USP6NL: variants seen among roughly 807,000 people sequenced by gnomAD.
The protein encoded by USP6NL is USP6 N-terminal-like protein.
USP6NL carries 26 observed loss-of-function variants against 61.9 expected under a neutral mutation model. That is an observed-to-expected ratio of 0.42 (90% CI 0.31 to 0.58). The LOEUF (loss-of-function observed/expected upper bound fraction) is 0.58, where lower values mean the gene tolerates loss of function less well. Ranked by LOEUF, USP6NL falls within the 20% of genes least tolerant of loss-of-function variation. The pLI, the probability that USP6NL is intolerant of heterozygous loss-of-function variation, is 0.16. For synonymous variants in USP6NL, 432 were observed against 390.1 expected, an observed-to-expected ratio of 1.11 and a Z score of -1.27; for missense variants, 1,114 against 1,034.3, an observed-to-expected ratio of 1.08 and a Z score of -1.06.
chr10:11,555,333 T>C (rs1221905961), intron 2 of USP6NL, among the ~76,000 whole-genome samples: 1 of 143,866 alleles, frequency 7.0e-6, no homozygotes, highest in Non-Finnish European at 1.5e-5. Context: ...AAGAATAGAC[T>C]GAACACGGGA....
In USP6NL at chr10:11,597,596, G is replaced by A. The variant is rs1300453146; in HGVS notation, c.4+35C>T. The A allele has an allele frequency of 6.5e-7, 1 of 1,548,956 alleles. No individual in the cohort carries two copies. Among genetic ancestry groups the A allele is most frequent in the African/African-American group, 1.4e-5 (1 of 72,984 alleles). Reference sequence around the variant, plus strand: ...TAAGCACAATACAGCAAACGCTCCTGAGATGGCTGGAAGGAAAGGAAGCAG... The same window carrying A: ...TAAGCACAATACAGCAAACGCTCCTAAGATGGCTGGAAGGAAAGGAAGCAG... On this transcript the variant is annotated intron_variant, in intron 2 of 14. Transcript: ENST00000609104. The surrounding 1 kb of genome is among the most constrained non-coding windows in gnomAD (Gnocchi z 4.6).
chr10:11,503,835 A>C (rs1274296552), intron 6 of USP6NL, among the ~76,000 whole-genome samples: 1 of 152,176 alleles, frequency 6.6e-6, no homozygotes, highest in African/African-American at 2.4e-5. Context: ...AATCACAAAG[A>C]GGTTAAATAA....
chr10:11,570,884 C>G (rs1231611582), intron 2 of USP6NL, among the ~76,000 whole-genome samples: 1 of 152,096 alleles, frequency 6.6e-6, no homozygotes, highest in Non-Finnish European at 1.5e-5. Context: ...TATCACTCGC[C>G]CCATCCTTTT....
At chr10:11,502,979 CAT>C (rs1280174198) in intron 6 of USP6NL, among the ~76,000 whole-genome samples, 1 of 152,136 alleles carries the variant, frequency 6.6e-6, no homozygotes, top group African/African-American at 2.4e-5. Flanking sequence ...GCTCGACAAG[CAT>C]GTGTGGTTAA....
At position 11,562,922 on chromosome 10, in the gene USP6NL, C is replaced by A. The variant is rs1281464516; in HGVS notation, c.4+34709G>T. ...ATCACATTCCTGGGTATCTATCCCA[C>A]AGAAATAAAAATTTATATTTATGTC... On this transcript the variant is annotated intron_variant, in intron 2 of 14. Coordinates refer to ENST00000609104, the MANE Select transcript of USP6NL (RefSeq NM_014688.5). This position sits in a 1 kb window ranked among gnomAD's most constrained non-coding sequence, Gnocchi z 4.8. 1 of 318,358 alleles carries A rather than the reference C, an allele frequency of 3.1e-6. No individual in the cohort carries two copies. The highest frequency in any genetic ancestry group is 4.5e-6 in the Non-Finnish European group (1 of 220,654). The allele number at this position is 318,358 out of a possible 1,614,324, so 19.7% of individuals were successfully genotyped here.
At chr10:11,519,743 T>G (rs532121183) in intron 4 of USP6NL, among the ~76,000 whole-genome samples, 1 of 152,362 alleles carries the variant, frequency 6.6e-6, no homozygotes, top group African/African-American at 2.4e-5. Flanking sequence ...CACAGTATAT[T>G]TGTGATATCA....
chr10:11,490,226 T>A lies in USP6NL; in HGVS notation c.543+606A>T, dbSNP rs2133260119. On this transcript the variant is annotated intron_variant, in intron 9 of 14. Coordinates refer to ENST00000609104, the MANE Select transcript of USP6NL (RefSeq NM_014688.5). The surrounding 1 kb of genome is among the most constrained non-coding windows in gnomAD (Gnocchi z 4.5). Reference sequence around the variant, plus strand: ...AATTATACATCCCAAGGTTCAAAGGTCCTCCCTGGGACCTAGTCAACAAGT... The same window carrying A: ...AATTATACATCCCAAGGTTCAAAGGACCTCCCTGGGACCTAGTCAACAAGT... 6.6e-6 allele frequency among the ~76,000 whole-genome samples: 1 copy of A among 152,316 alleles called. No individual in the cohort carries two copies. The highest frequency in any genetic ancestry group is 6.5e-5 in the Admixed American group (1 of 15,306).
rs1834158888 is a variant in USP6NL, at chr10:11,500,952, AAAAC to A, written c.384+145_384+148del. ...TTTAAGAAGTATTTTTGCAATCAAG[AAAAC>A]AAATAGACCTCCAAAACCTCCAATG... On this transcript the variant is annotated intron_variant, in intron 7 of 14. Transcript: ENST00000609104. 5.4e-6 allele frequency: 3 copies of A among 553,820 alleles called. No homozygotes were observed. The South Asian group carries it at 1.6e-4, about 29-fold the overall frequency. The allele number at this position is 553,820 out of a possible 1,614,324, so 34.3% of individuals were successfully genotyped here. A position where few individuals can be genotyped will look rare whatever the true frequency, so the allele number is the denominator to read the frequency against.
rs1240082852 is a variant in USP6NL, at chr10:11,518,882, T to G, written c.156-308A>C. Among the ~76,000 whole-genome samples the G allele has an allele frequency of 6.6e-6, 1 of 152,212 alleles. No individual in the cohort carries two copies. Among genetic ancestry groups the G allele is most frequent in the Non-Finnish European group, 1.5e-5 (1 of 68,042 alleles). ...TTAGTCTCACTAGGCACAGTTCAAG[T>G]GCATGAATGTCACGTAGCTAGAAGC... On this transcript the variant is annotated intron_variant, in intron 4 of 14. Coordinates refer to ENST00000609104, the MANE Select transcript of USP6NL (RefSeq NM_014688.5). The surrounding 1 kb of genome is among the most constrained non-coding windows in gnomAD (Gnocchi z 5.3).
In USP6NL at chr10:11,537,268, T is replaced by C. The variant is rs1198756166; in HGVS notation, c.5-9701A>G. Among the ~76,000 whole-genome samples the C allele has an allele frequency of 6.6e-6, 1 of 152,140 alleles. No individual in the cohort carries two copies. Among genetic ancestry groups the C allele is most frequent in the Non-Finnish European group, 1.5e-5 (1 of 68,016 alleles). ...CTGGGACTACAGGCGCATGCTACCC[T>C]GTCTAGCTAATACTTGTATTTTTTG... On this transcript the variant is annotated intron_variant, in intron 2 of 14. Coordinates refer to ENST00000609104, the MANE Select transcript of USP6NL (RefSeq NM_014688.5). The surrounding 1 kb of genome is among the most constrained non-coding windows in gnomAD (Gnocchi z 5.1).
In USP6NL at chr10:11,562,261, C is replaced by CAA. The variant is rs34380932; in HGVS notation, c.5-34696_5-34695dup. ...TGGCGGACAGTGCAAGACTCCATCT[C>CAA]AAAAAAAAAAAAAAAAAATTGCATT... On this transcript the variant is annotated intron_variant, in intron 2 of 14. Coordinates refer to ENST00000609104, the MANE Select transcript of USP6NL (RefSeq NM_014688.5). This position sits in a 1 kb window ranked among gnomAD's most constrained non-coding sequence, Gnocchi z 4.8. 0.031 allele frequency: 10,107 copies of CAA among 325,550 alleles called. No homozygotes were observed. The highest frequency in any genetic ancestry group is 0.037 in the Non-Finnish European group (9,341 of 250,072). 20.2% of individuals were successfully genotyped at this position (325,550 alleles called of 1,614,324 possible). A position where few individuals can be genotyped will look rare whatever the true frequency, so the allele number is the denominator to read the frequency against.
In USP6NL at chr10:11,510,861, C is replaced by G. The variant is rs1292663213; in HGVS notation, c.196-1186G>C. Among the ~76,000 whole-genome samples the G allele has an allele frequency of 6.6e-6, 1 of 152,234 alleles. No homozygotes were observed. Among genetic ancestry groups the G allele is most frequent in the Non-Finnish European group, 1.5e-5 (1 of 68,046 alleles). On this transcript the variant is annotated intron_variant, in intron 5 of 14. Coordinates refer to ENST00000609104, the MANE Select transcript of USP6NL (RefSeq NM_014688.5). The surrounding 1 kb of genome is among the most constrained non-coding windows in gnomAD (Gnocchi z 4.8). The stretch of plus-strand genomic sequence containing the variant: ...GGTAGAAGACGGATTCAAAGCCAGG[C>G]AAGCCTGGCTCCAGGACGTACACTC...
chr10:11,536,725 G>A (rs1025304931), intron 2 of USP6NL, among the ~76,000 whole-genome samples: 36 of 152,024 alleles, frequency 2.4e-4, no homozygotes, highest in South Asian at 6.3e-4. Context: ...ACTTCCCCGC[G>A]GTCCAACCCA....
At chr10:11,464,073 C>T (rs1832332466) in intron 14 of USP6NL, among the ~76,000 whole-genome samples, 1 of 152,186 alleles carries the variant, frequency 6.6e-6, no homozygotes, top group South Asian at 2.1e-4. Flanking sequence ...GATACTAAAA[C>T]ATACCAACAC....
In USP6NL at chr10:11,548,448, C is replaced by T. The variant is rs538020404; in HGVS notation, c.5-20881G>A. 8.9e-4 allele frequency among the ~76,000 whole-genome samples: 135 copies of T among 152,230 alleles called. No individual in the cohort carries two copies. The highest frequency in any genetic ancestry group is 3.4e-3 in the Middle Eastern group (1 of 294). ...AAGCTTTCTCAATCTCAATACAGAG[C>T]TTGACATTTTATTATTTTTAATTAA... On this transcript the variant is annotated intron_variant, in intron 2 of 14. Transcript: ENST00000609104. This position sits in a 1 kb window ranked among gnomAD's most constrained non-coding sequence, Gnocchi z 4.3.
At chr10:11,497,762 CAT>C (rs1490913012) in intron 7 of USP6NL, among the ~76,000 whole-genome samples, 1 of 152,184 alleles carries the variant, frequency 6.6e-6, no homozygotes, top group African/African-American at 2.4e-5. Context: ...AGGAATCAAA[CAT>C]ATTTTTTACT....
Position 11,547,758 on chromosome 10 carries a change from T to A in USP6NL, c.5-20191A>T, listed in dbSNP as rs192989295. Among the ~76,000 whole-genome samples the A allele has an allele frequency of 7.4e-3, 1,125 of 152,228 alleles. 6 individuals carry two copies. Among genetic ancestry groups the A allele is most frequent in the Non-Finnish European group, 0.01 (687 of 67,998 alleles). ...GGTGTCACCGTGTTATCCAGGATGG[T>A]CTCGATCTCCTGACCTCGTGATCCG... On this transcript the variant is annotated intron_variant, in intron 2 of 14. Coordinates refer to ENST00000609104, the MANE Select transcript of USP6NL (RefSeq NM_014688.5).
At chr10:11,546,755 T>A (rs1836286480) in intron 2 of USP6NL, among the ~76,000 whole-genome samples, 1 of 152,176 alleles carries the variant, frequency 6.6e-6, no homozygotes. Flanking sequence ...CATCTAGAAA[T>A]CAGAAGCTTA....
At chr10:11,609,315 C>T (rs1240601889) in intron 1 of USP6NL, among the ~76,000 whole-genome samples, 1 of 152,172 alleles carries the variant, frequency 6.6e-6, no homozygotes, top group Non-Finnish European at 1.5e-5. Flanking sequence ...GATTCATCTG[C>T]CTCGGCCTCC....
Sources: gnomAD v4.1 joint callset for allele counts (sites outside exome capture counted in the v4.1 genomes callset) on GRCh38, gnomAD v4.1.1 for gene constraint, Gnocchi (gnomAD v3.1) non-coding constraint, MANE v1.5 for transcripts, NCBI Gene and HGNC (gene_info 2026-07-23, HGNC 2026-07-21) for gene names.